Variants in DIS3L observed in about 807,000 individuals in gnomAD.
DIS3L encodes DIS3 like exosome 3'-5' exoribonuclease.
A neutral mutation model predicts 120.3 loss-of-function variants in DIS3L; 100 were observed. The observed-to-expected ratio is 0.83, with a 90% CI of 0.71 to 0.98. The LOEUF (loss-of-function observed/expected upper bound fraction) is 0.98. Among genes scored for constraint, DIS3L ranks in the 50% least tolerant of loss-of-function variants. The pLI, the probability that DIS3L is intolerant of heterozygous loss-of-function variation, is 0.00. For synonymous variants in DIS3L, 426 were observed against 470.6 expected (o/e 0.91, Z 1.23); for missense variants, 1,196 against 1,314.2 (o/e 0.91, Z 1.39).
intron 13 of DIS3L, 38 bp downstream of exon 13, chr15:66,329,162 T>C: frequency 2.5e-6 from 4 of 1,591,940 alleles, no homozygotes; most frequent in Non-Finnish European, 3.4e-6. Flanking sequence ...GCTGTAACTT[T>C]GCGCTAGTTA....
intron 12 of DIS3L, among the ~76,000 whole-genome samples, chr15:66,326,930 G>GT (rs1253541437): frequency 4.1e-5 from 6 of 146,610 alleles, no homozygotes; most frequent in Admixed American, 2.0e-4. Flanking sequence ...TTGTTCGGTT[G>GT]GTTTTTTTTT....
intron 14 of DIS3L, chr15:66,329,962 C>A: frequency 1.0e-6 from 1 of 984,658 alleles, no homozygotes; most frequent in Non-Finnish European, 1.2e-6. Flanking sequence ...TATCTTACCA[C>A]CCAGAGCTAA....
chr15:66,304,530 G>A (rs1254100706), intron 2 of DIS3L, among the ~76,000 whole-genome samples: 1 of 152,182 alleles, frequency 6.6e-6, no homozygotes, highest in Non-Finnish European at 1.5e-5. Context: ...TGAGGGAACA[G>A]CTTTTGTTTG....
chr15:66,293,773 G>C (rs1410131874), intron 1 of DIS3L, 38 bp downstream of exon 1: 1 of 1,154,582 alleles, frequency 8.7e-7, no homozygotes, highest in Non-Finnish European at 1.1e-6. Context: ...GGGCCGGCGG[G>C]AGCGGGCGGC....
At chr15:66,293,505 G>A, upstream of DIS3L, 1 of 1,251,802 alleles carries the variant, frequency 8.0e-7, no homozygotes, top group Non-Finnish European at 1.0e-6. Context: ...CGGTTCCGGA[G>A]CCGCGGCGCC....
intron 2 of DIS3L, among the ~76,000 whole-genome samples, chr15:66,297,934 C>G (rs1251130479): frequency 2.6e-5 from 4 of 152,066 alleles, no homozygotes; most frequent in Admixed American, 2.0e-4. Context: ...AATCTCAGCA[C>G]TTTGGGAGGC....
Position 66,322,717 on chromosome 15 carries a change from A to G in DIS3L, c.1357A>G (p.Ser453Gly). The change falls in exon 10 of 17, where the codon AGT becomes GGT. Residue 453 changes from serine to glycine, a missense_variant. By Grantham distance (56) the Ser-to-Gly change is moderately conservative. Coordinates refer to ENST00000319212, the MANE Select transcript of DIS3L (RefSeq NM_001143688.3). ...MCEMPVNTPESPWKVSPEEEQ... is the reference protein window; with the variant it reads ...MCEMPVNTPEGPWKVSPEEEQ... ...TGAGATGCCAGTAAACACACCAGAA[A>G]GTCCCTGGAAGGTGAGTCCTGAAGA... The G allele has an allele frequency of 6.2e-7, 1 of 1,614,198 alleles. No individual in the cohort carries two copies. The highest frequency in any genetic ancestry group is 1.7e-5 in the Admixed American group (1 of 60,012).
At chr15:66,302,255 C>T (rs2092656053) in intron 2 of DIS3L, among the ~76,000 whole-genome samples, 1 of 152,174 alleles carries the variant, frequency 6.6e-6, no homozygotes, top group Admixed American at 6.5e-5. Flanking sequence ...GTAGTCCTAG[C>T]TGCTTGTGAG....
chr15:66,303,309 C>A (rs916908477), intron 2 of DIS3L, among the ~76,000 whole-genome samples: 5 of 152,006 alleles, frequency 3.3e-5, no homozygotes, highest in Non-Finnish European at 5.9e-5. Flanking sequence ...GGGTATATAC[C>A]CAGAAGTGGG....
In DIS3L at chr15:66,295,071, T is replaced by C. The variant is rs751203338; in HGVS notation, c.223T>C (p.Phe75Leu). ...TCAAGATTATCTTGAGATCCTTGAG[T>C]TTCCTGAGTTGAAGGGAATTATTTT... Reference protein sequence around the residue: ...VVQDYLEILEFPELKGIIFMQ... With the variant: ...VVQDYLEILELPELKGIIFMQ... Residue 75 changes from phenylalanine to leucine, a missense_variant, in exon 2 of 17, where the codon TTT (phenylalanine) becomes CTT (leucine). Transcript: ENST00000319212. The C allele has an allele frequency of 6.2e-7, 1 of 1,614,148 alleles. No individual in the cohort carries two copies. The highest frequency in any genetic ancestry group is 8.5e-7 in the Non-Finnish European group (1 of 1,180,012).
At chr15:66,318,647 A>G in intron 8 of DIS3L, 29 bp downstream of exon 8, 1 of 1,605,598 alleles carries the variant, frequency 6.2e-7, no homozygotes, top group Non-Finnish European at 8.5e-7. Context: ...CTACTATGGG[A>G]TCTCTACGCT....
intron 10 of DIS3L, 94 bp downstream of exon 10, chr15:66,323,028 G>T: frequency 1.3e-6 from 2 of 1,495,318 alleles, no homozygotes; most frequent in Non-Finnish European, 1.8e-6. Context: ...TCTCATGTTT[G>T]TGCAATTTTG....
rs371107895 is a variant in DIS3L, at chr15:66,329,383, T to C, written c.2519T>C (p.Ile840Thr). Residue 840 changes from isoleucine to threonine, a missense_variant, in exon 14 of 17, where the codon ATC (isoleucine) becomes ACC (threonine). Ile to Thr is a moderately conservative substitution (Grantham distance 89). Transcript: ENST00000319212. The part of the protein sequence containing the change: ...NKDLEELCRH[I>T]NNRNQAAQHS... ...GATCTTGAGGAATTATGCAGACATA[T>C]CAACAACAGAAACCAAGTAAGAGGG... The C allele has an allele frequency of 3.6e-5, 57 of 1,602,380 alleles. No homozygotes were observed. Among genetic ancestry groups the C allele is most frequent in the Non-Finnish European group, 4.8e-5 (57 of 1,176,608 alleles).
At chr15:66,302,476 A>C (rs1338178041) in intron 2 of DIS3L, among the ~76,000 whole-genome samples, 1 of 152,202 alleles carries the variant, frequency 6.6e-6, no homozygotes, top group African/African-American at 2.4e-5. Flanking sequence ...TGGAAATGTC[A>C]GTTTATTCAG....
At chr15:66,331,079 C>T (rs565820187) in intron 14 of DIS3L, among the ~76,000 whole-genome samples, 3 of 152,046 alleles carry the variant, frequency 2.0e-5, no homozygotes, top group Non-Finnish European at 2.9e-5. Flanking sequence ...CACTTGAACC[C>T]GGGAGGCAGA....
chr15:66,303,757 C>G (rs1038358890), intron 2 of DIS3L, among the ~76,000 whole-genome samples: 1 of 152,036 alleles, frequency 6.6e-6, no homozygotes, highest in Non-Finnish European at 1.5e-5. Flanking sequence ...TAAGCATTAC[C>G]GAACTGTGTA....
rs2092933846 is a variant in DIS3L at position 66,326,102 on chromosome 15, G to A, written c.1939G>A (p.Gly647Ser). 6.2e-7 allele frequency: 1 copy of A among 1,614,044 alleles called. No individual in the cohort carries two copies. Among genetic ancestry groups the A allele is most frequent in the African/African-American group, 1.3e-5 (1 of 74,930 alleles). The part of the protein sequence containing the change: ...RHVRAKRDGC[G>S]ALELEGVEVC... ...TGTCAGAGCTAAACGAGACGGATGT[G>A]GTGCCCTGGAACTGGAAGGGGTAGA... is the stretch of plus-strand genomic sequence containing the variant. Residue 647 changes from glycine (G) to serine (S), a missense_variant, in exon 12 of 17, where the codon GGT becomes AGT. Coordinates refer to ENST00000319212, the MANE Select transcript of DIS3L (RefSeq NM_001143688.3).
chr15:66,309,094 A>AAAAAAAATATATATATAT lies in DIS3L; in HGVS notation c.558+251_558+252insAAAAAATATATATATATA. The stretch of plus-strand genomic sequence containing the variant: ...CTTGTCTCTACAGAAAAAAAAAAAA[A>AAAAAAAATATATATATAT]ATATATATATCTCCAAGCATGGTGG... On this transcript the variant is annotated intron_variant, in intron 4 of 16. Transcript: ENST00000319212. 1.6e-3 allele frequency among the ~76,000 whole-genome samples: 24 copies of AAAAAAAATATATATATAT among 15,314 alleles called. 3 individuals carry two copies. Among genetic ancestry groups the AAAAAAAATATATATATAT allele is most frequent in the Admixed American group, 1.6e-3 (1 of 620 alleles). 10.0% of individuals were successfully genotyped at this position (15,314 alleles called of 152,430 possible).
At chr15:66,300,359 A>C (rs1345813394) in intron 2 of DIS3L, among the ~76,000 whole-genome samples, 3 of 152,234 alleles carry the variant, frequency 2.0e-5, no homozygotes, top group Admixed American at 2.0e-4. Context: ...CAATAGCAAC[A>C]GAAAGTAGAT....
Sources: allele counts gnomAD v4.1 joint callset (sites outside exome capture counted in the v4.1 genomes callset), GRCh38; gene constraint gnomAD v4.1.1; transcripts MANE v1.5; gene names NCBI Gene and HGNC (gene_info 2026-07-23, HGNC 2026-07-21).